The following ACVR1B variants were observed in gnomAD, a reference collection of about 807,000 sequenced individuals.
ACVR1B encodes activin receptor type-1B.
Under a neutral mutation model 55.6 loss-of-function variants are expected in ACVR1B, and 15 were observed. That is an observed-to-expected ratio of 0.27 (90% confidence interval 0.18 to 0.42). The LOEUF is 0.42. ACVR1B is among the 10% of genes least tolerant of loss of function. The probability of loss-of-function intolerance (pLI) is 1.00; values close to 1 mark genes in which losing one functional copy is unlikely to be tolerated. For synonymous variants in ACVR1B, 247 were observed against 254.6 expected (o/e 0.97, Z 0.28); for missense variants, 359 against 670.1 (o/e 0.54, Z 5.13).
At chr12:51,964,706 A>G (rs573486946) in intron 1 of ACVR1B, among the ~76,000 whole-genome samples, 17 of 152,306 alleles carry the variant, frequency 1.1e-4, no homozygotes, top group African/African-American at 3.1e-4. Flanking sequence ...TCATCACCAT[A>G]TTTTGAAGAG....
At chr12:51,969,881 G>A (rs746329773) in intron 1 of ACVR1B, among the ~76,000 whole-genome samples, 2 of 152,054 alleles carry the variant, frequency 1.3e-5, no homozygotes. Flanking sequence ...GGGCAACATA[G>A]CAAGACCCTG....
intron 1 of ACVR1B, among the ~76,000 whole-genome samples, chr12:51,952,522 T>A (rs1476489687): frequency 6.6e-6 from 1 of 152,180 alleles, no homozygotes; most frequent in South Asian, 2.1e-4. Flanking sequence ...TTGGAGGAAG[T>A]GGGACGAACA....
intron 4 of ACVR1B, among the ~76,000 whole-genome samples, chr12:51,982,978 A>T (rs1003028931): frequency 6.6e-6 from 1 of 152,300 alleles, no homozygotes; most frequent in African/African-American, 2.4e-5. Context: ...TGTTTGTGAT[A>T]AGAGAAGCCA....
chr12:51,976,178 C>T, intron 2 of ACVR1B, 149 bp from the exon 3 acceptor site: 2 of 940,828 alleles, frequency 2.1e-6, no homozygotes, highest in Non-Finnish European at 3.1e-6. Context: ...GGCAGCAAGA[C>T]TAGCCCAGAA....
intron 4 of ACVR1B, chr12:51,982,626 A>G: frequency 6.9e-7 from 1 of 1,448,806 alleles, no homozygotes; most frequent in African/African-American, 1.4e-5. Context: ...TGCAATTTAG[A>G]AGTTAGTGTC....
At chr12:51,966,370 G>A (rs562628573) in intron 1 of ACVR1B, among the ~76,000 whole-genome samples, 13 of 152,328 alleles carry the variant, frequency 8.5e-5, no homozygotes, top group African/African-American at 7.2e-5. Flanking sequence ...CAGTGCAAGC[G>A]GGAACCTATA....
intron 1 of ACVR1B, among the ~76,000 whole-genome samples, chr12:51,952,046 C>T (rs1034708214): frequency 2.0e-5 from 3 of 152,168 alleles, no homozygotes; most frequent in Non-Finnish European, 2.9e-5. Context: ...CGCCGGGCCC[C>T]TGGGGACCCG....
intron 1 of ACVR1B, 108 bp from the exon 2 acceptor site, chr12:51,975,157 A>G: frequency 1.4e-6 from 2 of 1,476,690 alleles, no homozygotes; most frequent in Non-Finnish European, 1.8e-6. Context: ...CTCTATAAAA[A>G]CTGTTTTGGA....
At chr12:51,984,819 C>G (rs1942048479) in intron 5 of ACVR1B, among the ~76,000 whole-genome samples, 1 of 152,230 alleles carries the variant, frequency 6.6e-6, no homozygotes, top group African/African-American at 2.4e-5. Context: ...CTGTTTCCTT[C>G]TGAGAACTAG....
intron 7 of ACVR1B, among the ~76,000 whole-genome samples, chr12:51,990,931 G>A: frequency 6.6e-6 from 1 of 152,168 alleles, no homozygotes; most frequent in East Asian, 1.9e-4. Context: ...AATCATTTCT[G>A]GGGGTTCGGG....
intron 4 of ACVR1B, chr12:51,982,923 T>TG (rs758879315): frequency 1.2e-5 from 13 of 1,110,928 alleles, no homozygotes; most frequent in Non-Finnish European, 1.5e-5. Flanking sequence ...CTCAGGACTT[T>TG]GGGGCTGGTT....
intron 7 of ACVR1B, 99 bp from the exon 8 acceptor site, chr12:51,991,764 T>G: frequency 1.6e-6 from 2 of 1,258,866 alleles, no homozygotes; most frequent in Non-Finnish European, 2.2e-6. Flanking sequence ...CCTTAGGGGG[T>G]AGTGGTATTT....
At chr12:51,959,366 A>G (rs1440425086) in intron 1 of ACVR1B, among the ~76,000 whole-genome samples, 1 of 152,246 alleles carries the variant, frequency 6.6e-6, no homozygotes. Context: ...GCCGATCCCA[A>G]CAGCCACATG....
At chr12:51,958,663 A>C (rs574444847) in intron 1 of ACVR1B, among the ~76,000 whole-genome samples, 46 of 152,218 alleles carry the variant, frequency 3.0e-4, no homozygotes, top group Admixed American at 2.7e-3. Context: ...AAAAAAAGAA[A>C]AGAAAGATCA....
At chr12:51,964,460 T>C (rs1320277990) in intron 1 of ACVR1B, among the ~76,000 whole-genome samples, 1 of 152,266 alleles carries the variant, frequency 6.6e-6, no homozygotes, top group African/African-American at 2.4e-5. Context: ...ACAAAGGTTT[T>C]TAATTTTGAT....
At chr12:51,992,858 A>G (rs1250701455) in intron 8 of ACVR1B, among the ~76,000 whole-genome samples, 1 of 152,208 alleles carries the variant, frequency 6.6e-6, no homozygotes, top group Non-Finnish European at 1.5e-5. Context: ...ACATGAGGAC[A>G]TGTTTGTGAC....
At chr12:51,960,777 C>G (rs889604286) in intron 1 of ACVR1B, among the ~76,000 whole-genome samples, 1 of 152,162 alleles carries the variant, frequency 6.6e-6, no homozygotes, top group East Asian at 1.9e-4. Flanking sequence ...CCTTCAATCT[C>G]CCATTTGTTT....
chr12:51,983,652 A>G (rs894192103), intron 4 of ACVR1B, among the ~76,000 whole-genome samples: 3 of 152,196 alleles, frequency 2.0e-5, no homozygotes, highest in African/African-American at 7.2e-5. Context: ...GCAGTGCTGC[A>G]CACAAAGCTG....
intron 1 of ACVR1B, among the ~76,000 whole-genome samples, chr12:51,973,754 A>T (rs1361941148): frequency 6.6e-6 from 1 of 152,230 alleles, no homozygotes; most frequent in Non-Finnish European, 1.5e-5. Flanking sequence ...AATTTCTCCC[A>T]GAAGAAAGGG....
Sources: gnomAD v4.1 joint callset for allele counts (sites outside exome capture counted in the v4.1 genomes callset) on GRCh38, gnomAD v4.1.1 for gene constraint, MANE v1.5 for transcripts, NCBI Gene and HGNC (gene_info 2026-07-23, HGNC 2026-07-21) for gene names.